The following CSMD1 variants were observed in gnomAD, a reference collection of about 807,000 sequenced individuals.
CSMD1 encodes the protein CUB and sushi domain-containing protein 1.
CSMD1 carries 213 observed loss-of-function variants against 417.5 expected under a neutral mutation model. That is an observed-to-expected ratio of 0.51 (90% CI 0.46 to 0.57). The LOEUF (loss-of-function observed/expected upper bound fraction) is 0.57. CSMD1 is among the 20% of genes least tolerant of loss of function. CSMD1 has a pLI of 0.00. For missense variants in CSMD1, 6,923 were observed against 4,529.7 expected, an observed-to-expected ratio of 1.53 and a Z score of -15.17; for synonymous variants, 2,862 against 1,736.8, an observed-to-expected ratio of 1.65 and a Z score of -16.11.
Position 3,468,927 on chromosome 8 carries a change from A to T in CSMD1, c.1449-103T>A. The T allele has an allele frequency of 4.5e-6, 3 of 666,864 alleles. No individual in the cohort carries two copies. The Admixed American group carries it at 7.6e-5, about 17-fold the overall frequency. 41.3% of individuals were successfully genotyped at this position (666,864 alleles called of 1,614,324 possible). The stretch of plus-strand genomic sequence containing the variant: ...TGCTTTAAACAGCCAAACCCTAGAT[A>T]TATAGGTAGCAAGACCCTCTTTCAA... On this transcript the variant is annotated intron_variant, in intron 11 of 69. Coordinates refer to ENST00000635120, the MANE Select transcript of CSMD1 (RefSeq NM_033225.6).
Position 3,604,351 on chromosome 8 carries a change from A to T in CSMD1, c.1097+12359T>A, listed in dbSNP as rs201339934. Among the ~76,000 whole-genome samples the T allele has an allele frequency of 2.0e-4, 30 of 152,336 alleles. No individual in the cohort carries two copies. The East Asian group carries it at 3.9e-3, about 20-fold the overall frequency. ...ATTGTGTGGCCAGGAAGTAGCACGG[A>T]ACAGGTACCTCATGGGGTGATGCTC... On this transcript the variant is annotated intron_variant, in intron 8 of 69. Coordinates refer to ENST00000635120, the MANE Select transcript of CSMD1 (RefSeq NM_033225.6).
At chr8:3,899,169 T>G (rs1463906198) in intron 5 of CSMD1, among the ~76,000 whole-genome samples, 2 of 152,090 alleles carry the variant, frequency 1.3e-5, no homozygotes, top group African/African-American at 4.8e-5. Context: ...CTGTCAAAGG[T>G]GCTTACGGCC....
chr8:3,355,637 G>A (rs748609014), intron 21 of CSMD1, among the ~76,000 whole-genome samples: 3 of 152,242 alleles, frequency 2.0e-5, no homozygotes, highest in African/African-American at 7.2e-5. Context: ...GATGATATGA[G>A]ATCAGGAAGC....
rs1272873335 is a variant in CSMD1, at chr8:4,803,972, G to GT, written c.86-166415dup. Among the ~76,000 whole-genome samples the GT allele has an allele frequency of 3.9e-5, 6 of 152,274 alleles. No homozygotes were observed. The South Asian group carries it at 1.2e-3, about 32-fold the overall frequency. ...CAAGACAAGTCTTTACAGATGTATC[G>GT]TAAGTCAAAGACGGCAGGAGCCACA... On this transcript the variant is annotated intron_variant, in intron 1 of 69. Transcript: ENST00000635120.
rs3076013 is a variant in CSMD1, at chr8:2,960,939, G to GATATATATATATATAT, written c.9702+186_9702+201dup. On this transcript the variant is annotated intron_variant, in intron 62 of 69. Coordinates refer to ENST00000635120, the MANE Select transcript of CSMD1 (RefSeq NM_033225.6). ...TATTCCATTATTATCTAGTAAGCAA[G>GATATATATATATATAT]ATATATATATATATATATATATATA... Among the ~76,000 whole-genome samples the GATATATATATATATAT allele has an allele frequency of 3.8e-3, 458 of 121,914 alleles. 13 individuals are homozygous for GATATATATATATATAT. Among genetic ancestry groups the GATATATATATATATAT allele is most frequent in the East Asian group, 0.017 (61 of 3,620 alleles). 80.0% of individuals were successfully genotyped at this position (121,914 alleles called of 152,430 possible). A position where few individuals can be genotyped will look rare whatever the true frequency, so the allele number is the denominator to read the frequency against.
At chr8:4,923,561 A>C (rs1806645352) in intron 1 of CSMD1, among the ~76,000 whole-genome samples, 2 of 151,752 alleles carry the variant, frequency 1.3e-5, no homozygotes, top group African/African-American at 4.8e-5. Context: ...ACATAACTTA[A>C]AAATAAATAT....
At chr8:3,420,285 A>AT (rs1405183563) in intron 12 of CSMD1, among the ~76,000 whole-genome samples, 1 of 152,126 alleles carries the variant, frequency 6.6e-6, no homozygotes, top group Non-Finnish European at 1.5e-5. Flanking sequence ...AGTCTACACA[A>AT]TACCAACCAG....
intron 3 of CSMD1, among the ~76,000 whole-genome samples, chr8:4,359,907 G>C (rs1253081594): frequency 2.0e-5 from 3 of 152,208 alleles, no homozygotes; most frequent in Non-Finnish European, 4.4e-5. Flanking sequence ...TTTAACCACA[G>C]TTTAAAACAT....
intron 1 of CSMD1, among the ~76,000 whole-genome samples, chr8:4,699,955 G>C (rs759012885): frequency 2.6e-5 from 4 of 152,144 alleles, no homozygotes; most frequent in Non-Finnish European, 4.4e-5. Context: ...GAATAAGACA[G>C]GCTTGGATTC....
intron 49 of CSMD1, among the ~76,000 whole-genome samples, chr8:3,072,487 C>G (rs76407734): frequency 0.051 from 7,735 of 152,124 alleles, 209 homozygotes; most frequent in East Asian, 0.065. Context: ...TAATATGAAC[C>G]AGAAAATGTT....
intron 57 of CSMD1, 67 bp from the exon 58 acceptor site, chr8:2,966,813 A>T: frequency 2.1e-6 from 3 of 1,452,364 alleles, no homozygotes; most frequent in Non-Finnish European, 1.9e-6. Context: ...CAAACACAAG[A>T]GACCAATGGG....
At chr8:4,025,326 C>T (rs1366376292) in intron 4 of CSMD1, among the ~76,000 whole-genome samples, 6 of 152,180 alleles carry the variant, frequency 3.9e-5, no homozygotes, top group African/African-American at 1.4e-4. Context: ...GTTTTCCAGT[C>T]AGGAAGAATA....
intron 2 of CSMD1, among the ~76,000 whole-genome samples, chr8:4,590,082 G>A (rs1039950521): frequency 6.6e-6 from 1 of 152,016 alleles, no homozygotes; most frequent in Non-Finnish European, 1.5e-5. Flanking sequence ...ATGTATTTAT[G>A]AAATCTTCAA....
intron 5 of CSMD1, among the ~76,000 whole-genome samples, chr8:3,898,976 T>C (rs992704623): frequency 5.9e-5 from 9 of 152,226 alleles, no homozygotes; most frequent in South Asian, 2.1e-4. Context: ...AATGGGACCA[T>C]ACAGTACATA....
chr8:3,778,509 C>T (rs913676733), intron 5 of CSMD1, among the ~76,000 whole-genome samples: 5 of 152,232 alleles, frequency 3.3e-5, no homozygotes, highest in African/African-American at 9.6e-5. Context: ...CCCATCCCTA[C>T]CTTCTACAAG....
At chr8:4,686,010 A>C (rs1478269) in intron 1 of CSMD1, among the ~76,000 whole-genome samples, 1 of 151,988 alleles carries the variant, frequency 6.6e-6, no homozygotes, top group Admixed American at 6.5e-5. Context: ...TATTTTCTCA[A>C]TTTAATTCCA....
chr8:4,878,340 T>C (rs190964897), intron 1 of CSMD1, among the ~76,000 whole-genome samples: 24 of 152,204 alleles, frequency 1.6e-4, no homozygotes, highest in Non-Finnish European at 7.4e-5. Context: ...CGGGAAAATG[T>C]ACACATAAGT....
intron 5 of CSMD1, chr8:3,949,889 T>G: frequency 2.2e-6 from 1 of 455,758 alleles, no homozygotes; most frequent in Non-Finnish European, 4.4e-6. Context: ...CAATTCAAGA[T>G]TGTGCCTCCA....
chr8:3,104,430 T>G (rs1815979131), intron 46 of CSMD1, among the ~76,000 whole-genome samples: 1 of 152,180 alleles, frequency 6.6e-6, no homozygotes, highest in Admixed American at 6.5e-5. Flanking sequence ...GCCTACGGTC[T>G]GCTTAGCGTT....
Sources: gnomAD v4.1 joint callset for allele counts (sites outside exome capture counted in the v4.1 genomes callset) on GRCh38, gnomAD v4.1.1 for gene constraint, MANE v1.5 for transcripts, NCBI Gene and HGNC (gene_info 2026-07-23, HGNC 2026-07-21) for gene names.